RBMS1: variants seen among roughly 807,000 people sequenced by gnomAD.
RBMS1 encodes the protein RNA binding motif single stranded interacting protein 1, also known as RNA-binding motif, single-stranded-interacting protein 1.
RBMS1 carries 17 observed loss-of-function variants against 62.3 expected under a neutral mutation model. The ratio of observed to expected loss-of-function variants is 0.27; its 90% confidence interval spans 0.19 to 0.41. RBMS1 has a LOEUF of 0.41. RBMS1 is among the 10% of genes least tolerant of loss of function. The pLI, the probability that RBMS1 is intolerant of heterozygous loss-of-function variation, is 1.00. For synonymous variants in RBMS1, 172 were observed against 170.0 expected, an observed-to-expected ratio of 1.01 and a Z score of -0.09; for missense variants, 334 against 504.5, an observed-to-expected ratio of 0.66 and a Z score of 3.24.
chr2:160,407,378 CGAG>C (rs1695793528), intron 1 of RBMS1: 1 of 985,628 alleles, frequency 1.0e-6, no homozygotes, highest in African/African-American at 1.7e-5. Flanking sequence ...CCGGTCCCTC[CGAG>C]GAGGCGCGGA....
intron 2 of RBMS1, among the ~76,000 whole-genome samples, chr2:160,351,240 T>C (rs935274978): frequency 6.6e-6 from 1 of 151,654 alleles, no homozygotes; most frequent in African/African-American, 2.4e-5. Context: ...GACAAGTTAA[T>C]GGGTGCAGCA....
At chr2:160,324,159 A>T (rs1690748656) in intron 2 of RBMS1, among the ~76,000 whole-genome samples, 1 of 152,352 alleles carries the variant, frequency 6.6e-6, no homozygotes, top group East Asian at 1.9e-4. Context: ...AAATCACCTG[A>T]AGTCCTGGAT....
intron 1 of RBMS1, among the ~76,000 whole-genome samples, chr2:160,460,836 C>T (rs376728511): frequency 6.6e-6 from 1 of 152,196 alleles, no homozygotes; most frequent in African/African-American, 2.4e-5. Flanking sequence ...GAGAAACATC[C>T]GTGCCCTCAA....
At chr2:160,382,345 A>C (rs1474556758) in intron 1 of RBMS1, among the ~76,000 whole-genome samples, 1 of 152,204 alleles carries the variant, frequency 6.6e-6, no homozygotes, top group East Asian at 1.9e-4. Context: ...TCTCCAGACT[A>C]AAGCATCTCC....
intron 1 of RBMS1, among the ~76,000 whole-genome samples, chr2:160,453,293 A>G (rs1035613051): frequency 7.2e-5 from 11 of 152,152 alleles, no homozygotes; most frequent in Non-Finnish European, 1.6e-4. Flanking sequence ...CCTGTAAAAA[A>G]GAAATAAACT....
At chr2:160,454,773 G>T (rs532203742) in intron 1 of RBMS1, among the ~76,000 whole-genome samples, 5 of 152,198 alleles carry the variant, frequency 3.3e-5, no homozygotes, top group Non-Finnish European at 7.3e-5. Flanking sequence ...GGTAGTGGGG[G>T]TGGGGCTGGG....
intron 9 of RBMS1, chr2:160,282,307 A>C: frequency 7.3e-7 from 1 of 1,367,878 alleles, no homozygotes; most frequent in Non-Finnish European, 9.8e-7. Flanking sequence ...TTTGCCACCT[A>C]AGGCAGACCA....
intron 1 of RBMS1, among the ~76,000 whole-genome samples, chr2:160,455,264 T>C (rs1171667355): frequency 6.6e-6 from 1 of 152,226 alleles, no homozygotes; most frequent in Non-Finnish European, 1.5e-5. Context: ...TAAGACATGG[T>C]ACAGGCTGTT....
chr2:160,412,151 C>A (rs749718421), intron 1 of RBMS1, among the ~76,000 whole-genome samples: 2 of 152,148 alleles, frequency 1.3e-5, no homozygotes, highest in African/African-American at 2.4e-5. Context: ...AATAAGGATG[C>A]AGCCACCAGT....
chr2:160,288,434 C>T (rs1688517718), intron 6 of RBMS1, among the ~76,000 whole-genome samples: 1 of 152,100 alleles, frequency 6.6e-6, no homozygotes, highest in South Asian at 2.1e-4. Context: ...AAAAACAAAA[C>T]AAAAGAAAAC....
chr2:160,388,329 A>G (rs1262413541), intron 1 of RBMS1, among the ~76,000 whole-genome samples: 1 of 152,144 alleles, frequency 6.6e-6, no homozygotes. Flanking sequence ...AGATAGCCTA[A>G]AATGCCCCCC....
chr2:160,397,087 T>A (rs1316494930), intron 1 of RBMS1, among the ~76,000 whole-genome samples: 2 of 152,124 alleles, frequency 1.3e-5, no homozygotes, highest in African/African-American at 4.8e-5. Context: ...ATTATCCAGA[T>A]GCTTTCCCTT....
chr2:160,295,654 T>G (rs1184034052), intron 6 of RBMS1, among the ~76,000 whole-genome samples: 1 of 152,210 alleles, frequency 6.6e-6, no homozygotes, highest in African/African-American at 2.4e-5. Context: ...TTATTTCCCT[T>G]GAATGGATGT....
intron 2 of RBMS1, among the ~76,000 whole-genome samples, chr2:160,358,647 G>T (rs1692943405): frequency 6.6e-6 from 1 of 152,072 alleles, no homozygotes; most frequent in South Asian, 2.1e-4. Flanking sequence ...ATGGGTGCAA[G>T]AAGCTATATA....
chr2:160,474,650 A>G (rs1261240149), intron 1 of RBMS1, among the ~76,000 whole-genome samples: 1 of 152,250 alleles, frequency 6.6e-6, no homozygotes, highest in African/African-American at 2.4e-5. Context: ...AAACAAAACA[A>G]AACTTCTTGA....
At chr2:160,424,175 C>T (rs751629989) in intron 1 of RBMS1, among the ~76,000 whole-genome samples, 2 of 151,916 alleles carry the variant, frequency 1.3e-5, no homozygotes, top group Non-Finnish European at 2.9e-5. Flanking sequence ...CCCGCCACCA[C>T]ACGCTGGCTA....
At chr2:160,399,109 C>CT (rs1695307417) in intron 1 of RBMS1, among the ~76,000 whole-genome samples, 1 of 152,192 alleles carries the variant, frequency 6.6e-6, no homozygotes, top group Non-Finnish European at 1.5e-5. Flanking sequence ...CAAATCTTTG[C>CT]TGAATCAATG....
At chr2:160,419,834 A>G (rs1696349099) in intron 1 of RBMS1, among the ~76,000 whole-genome samples, 1 of 152,242 alleles carries the variant, frequency 6.6e-6, no homozygotes, top group South Asian at 2.1e-4. Context: ...AAACATTTAA[A>G]AAGTTATGAG....
In RBMS1 at chr2:160,434,395, A is replaced by T. The variant is rs1021939848; in HGVS notation, c.75+58894T>A. 4.4e-4 allele frequency among the ~76,000 whole-genome samples: 67 copies of T among 152,112 alleles called. 1 individual carries two copies. The highest frequency in any genetic ancestry group is 1.3e-4 in the Non-Finnish European group (9 of 67,998). ...TACCAACTATTTCATCAACACTACT[A>T]AAAAATAGGGCATGAGTGTGAGCTC... On this transcript the variant is annotated intron_variant, in intron 1 of 13. Transcript: ENST00000348849.
Sources: allele counts gnomAD v4.1 joint callset (sites outside exome capture counted in the v4.1 genomes callset), GRCh38; gene constraint gnomAD v4.1.1; transcripts MANE v1.5; gene names NCBI Gene and HGNC (gene_info 2026-07-23, HGNC 2026-07-21).